Variants in RYR3 observed in about 807,000 individuals in gnomAD.
RYR3 encodes the protein ryanodine receptor 3, also known as brain ryanodine receptor-calcium release channel.
In RYR3, 207 loss-of-function variants were observed where a neutral mutation model predicts 584.3. That is an observed-to-expected ratio of 0.35 (90% CI 0.32 to 0.40). RYR3 has a LOEUF of 0.40. Ranked by LOEUF, RYR3 falls within the 10% of genes least tolerant of loss-of-function variation. The pLI, the probability that RYR3 is intolerant of heterozygous loss-of-function variation, is 1.00. For missense variants in RYR3, 5,616 were observed against 6,089.2 expected, an observed-to-expected ratio of 0.92 and a Z score of 2.59; for synonymous variants, 2,416 against 2,248.5, an observed-to-expected ratio of 1.07 and a Z score of -2.11.
intron 60 of RYR3, among the ~76,000 whole-genome samples, chr15:33,763,463 A>T (rs1324194073): frequency 6.6e-6 from 1 of 152,204 alleles, no homozygotes; most frequent in Non-Finnish European, 1.5e-5. Context: ...AAGGATATGA[A>T]CAGACACTTT....
intron 93 of RYR3, 71 bp from the exon 94 acceptor site, chr15:33,848,220 G>C (rs1596998628): frequency 6.3e-7 from 1 of 1,589,988 alleles, no homozygotes; most frequent in East Asian, 2.2e-5. Flanking sequence ...GTTAATTTGT[G>C]ACAAATACCT....
Position 33,634,693 on chromosome 15 carries a change from TG to T in RYR3, c.3137del (p.Gly1046ValfsTer13). 1 of 1,614,018 alleles carries T rather than the reference TG, an allele frequency of 6.2e-7. No individual in the cohort carries two copies. The highest frequency in any genetic ancestry group is 1.3e-5 in the African/African-American group (1 of 75,054). On this transcript the variant is annotated frameshift_variant, in exon 25 of 104. Coordinates refer to ENST00000634891, the MANE Select transcript of RYR3 (RefSeq NM_001036.6). LOFTEE classifies it high-confidence loss of function. ...TGCGGGAAGCTGTGCGCACTTTTGT[TG>T]GTTACGGGTATAACATTGAGCCATC... ...SLREAVRTFVGYGYNIEPSDQ... is the reference protein window; with the variant it reads ...SLREAVRTFVXYGYNIEPSDQ...
chr15:33,312,654 T>C (rs1967507896), intron 1 of RYR3, among the ~76,000 whole-genome samples: 1 of 152,122 alleles, frequency 6.6e-6, no homozygotes, highest in African/African-American at 2.4e-5. Flanking sequence ...GTGTCCTCCA[T>C]GATCAGTCAT....
At chr15:33,863,264 G>A (rs1362778642) in intron 102 of RYR3, among the ~76,000 whole-genome samples, 1 of 152,144 alleles carries the variant, frequency 6.6e-6, no homozygotes, top group Non-Finnish European at 1.5e-5. Flanking sequence ...CAGCCCCTAC[G>A]TATCAAACAG....
intron 27 of RYR3, among the ~76,000 whole-genome samples, chr15:33,639,583 C>T (rs2061684249): frequency 6.6e-6 from 1 of 152,148 alleles, no homozygotes; most frequent in South Asian, 2.1e-4. Context: ...AGCAAAATGC[C>T]CGACGTGCTT....
intron 1 of RYR3, among the ~76,000 whole-genome samples, chr15:33,464,575 T>A (rs902700209): frequency 6.7e-6 from 1 of 148,186 alleles, no homozygotes; most frequent in Non-Finnish European, 1.5e-5. Flanking sequence ...ATGTATTTAA[T>A]ATATAATGTA....
At chr15:33,329,991 G>A (rs1017174878) in intron 1 of RYR3, among the ~76,000 whole-genome samples, 76 of 152,130 alleles carry the variant, frequency 5.0e-4, no homozygotes, top group African/African-American at 1.8e-3. Context: ...GTGATCTTGT[G>A]TATAAGTGCA....
chr15:33,368,923 T>A lies in RYR3; in HGVS notation c.51+57827T>A, dbSNP rs370375255. Among the ~76,000 whole-genome samples, 6 of 152,168 alleles carry A rather than the reference T, an allele frequency of 3.9e-5. No individual in the cohort carries two copies. The East Asian group carries it at 1.2e-3, about 29-fold the overall frequency. On this transcript the variant is annotated intron_variant, in intron 1 of 103. Coordinates refer to ENST00000634891, the MANE Select transcript of RYR3 (RefSeq NM_001036.6). ...CCTGCTTCAATCCACCTCAAAATAG[T>A]AGGGTTTTTTAGTCATCTTTAGGGA...
intron 37 of RYR3, 119 bp from the exon 38 acceptor site, chr15:33,670,300 C>G: frequency 2.0e-6 from 2 of 996,776 alleles, no homozygotes; most frequent in Non-Finnish European, 3.1e-6. Flanking sequence ...CTTTAGAAAG[C>G]CTGTAGTATC....
At chr15:33,818,518 C>T in intron 75 of RYR3, 60 bp from the exon 76 acceptor site, 1 of 1,263,398 alleles carries the variant, frequency 7.9e-7, no homozygotes, top group South Asian at 1.2e-5. Flanking sequence ...TGTTCGCATG[C>T]CAGTCACGTG....
intron 1 of RYR3, among the ~76,000 whole-genome samples, chr15:33,398,550 A>G (rs2141347647): frequency 6.6e-6 from 1 of 152,356 alleles, no homozygotes; most frequent in South Asian, 2.1e-4. Context: ...CAGTGTATCT[A>G]TACTTATTTT....
At chr15:33,433,435 C>T (rs2045378079) in intron 1 of RYR3, among the ~76,000 whole-genome samples, 1 of 152,094 alleles carries the variant, frequency 6.6e-6, no homozygotes, top group African/African-American at 2.4e-5. Flanking sequence ...ATATTACGTT[C>T]ACTAAACTTC....
intron 50 of RYR3, 47 bp downstream of exon 50, chr15:33,738,637 A>G (rs1567062772): frequency 6.2e-7 from 1 of 1,603,478 alleles, no homozygotes; most frequent in Non-Finnish European, 8.5e-7. Context: ...TCAGTGCTCC[A>G]GCATCTACAG....
intron 16 of RYR3, among the ~76,000 whole-genome samples, chr15:33,597,407 G>C (rs1439295436): frequency 6.6e-6 from 1 of 152,100 alleles, no homozygotes; most frequent in African/African-American, 2.4e-5. Context: ...ACGAGGTCAG[G>C]AGTTCGAAAC....
chr15:33,752,144 A>G (rs991906707), intron 57 of RYR3, among the ~76,000 whole-genome samples: 2 of 152,160 alleles, frequency 1.3e-5, no homozygotes, highest in African/African-American at 2.4e-5. Context: ...CTTGTAGTAT[A>G]GTTTGAAGTC....
intron 16 of RYR3, among the ~76,000 whole-genome samples, chr15:33,599,117 T>C (rs1445237433): frequency 1.6e-4 from 25 of 152,070 alleles, no homozygotes; most frequent in Admixed American, 1.5e-3. Flanking sequence ...TTTTGGGAGA[T>C]TAGGGATTCT....
chr15:33,821,832 A>G (rs114659559), intron 80 of RYR3, among the ~76,000 whole-genome samples: 3,059 of 152,348 alleles, frequency 0.02, 102 homozygotes, highest in African/African-American at 0.066. Context: ...GATTAAAGAT[A>G]AAAACATTTA....
At chr15:33,506,208 T>C (rs1406681550) in intron 3 of RYR3, among the ~76,000 whole-genome samples, 3 of 152,194 alleles carry the variant, frequency 2.0e-5, no homozygotes, top group African/African-American at 7.2e-5. Context: ...TTTAATAAAA[T>C]TGAGCTCTTC....
At chr15:33,403,228 A>C (rs2042799203) in intron 1 of RYR3, among the ~76,000 whole-genome samples, 1 of 151,410 alleles carries the variant, frequency 6.6e-6, no homozygotes, top group Non-Finnish European at 1.5e-5. Flanking sequence ...CTTTTCAACC[A>C]TGTATAGGTA....
Sources: allele counts gnomAD v4.1 joint callset (sites outside exome capture counted in the v4.1 genomes callset), GRCh38; gene constraint gnomAD v4.1.1; transcripts MANE v1.5; gene names NCBI Gene and HGNC (gene_info 2026-07-23, HGNC 2026-07-21).